The following SPEG variants were observed in gnomAD, a reference collection of about 807,000 sequenced individuals.
SPEG encodes the protein striated muscle enriched protein kinase, also known as striated muscle preferentially expressed protein kinase.
In SPEG, 114 loss-of-function variants were observed where a neutral mutation model predicts 300.4. The observed-to-expected ratio is 0.38, with a 90% CI of 0.33 to 0.44. The LOEUF is 0.44. Ranked by LOEUF, SPEG falls within the 20% of genes least tolerant of loss-of-function variation. The probability of loss-of-function intolerance (pLI) is 1.00; values close to 1 mark genes in which losing one functional copy is unlikely to be tolerated. For missense variants in SPEG, 4,201 were observed against 4,586.2 expected, an observed-to-expected ratio of 0.92 and a Z score of 2.43; for synonymous variants, 1,964 against 2,018.9, an observed-to-expected ratio of 0.97 and a Z score of 0.73.
rs1268619944 is a variant in SPEG at position 219,473,883 on chromosome 2, C to T, written c.4427C>T (p.Ser1476Leu). Residue 1476 changes from serine to leucine, a missense_variant, in exon 18 of 41, where the codon TCG (serine) becomes TTG (leucine). Physicochemically the swap from Ser to Leu is moderately radical, Grantham distance 145. Coordinates refer to ENST00000312358, the MANE Select transcript of SPEG (RefSeq NM_005876.5). The surrounding 1 kb of genome is among the most constrained non-coding windows in gnomAD (Gnocchi z 4.6). ...AACCGTCACGGCACACAGACCTGCTCGGTCACATTGGAGCTGGCAGGTGGG... is the reference window on the plus strand; with the variant it reads ...AACCGTCACGGCACACAGACCTGCTTGGTCACATTGGAGCTGGCAGGTGGG... ...ARNRHGTQTC[S>L]VTLELAEAPR... The T allele has an allele frequency of 5.0e-6, 8 of 1,611,794 alleles. No individual in the cohort carries two copies. The Admixed American group carries it at 5.0e-5, about 10-fold the overall frequency.
chr2:219,483,529 G>T lies in SPEG; in HGVS notation c.6066G>T (p.Arg2022=), dbSNP rs2125553824. The change falls in exon 30 of 41, where the codon CGG becomes CGT. Residue 2022 remains arginine (R), a synonymous_variant. Coordinates refer to ENST00000312358, the MANE Select transcript of SPEG (RefSeq NM_005876.5). ...RGSSAESALP[R]AGPRELGRGL... The stretch of plus-strand genomic sequence containing the variant: ...GCTCGGCTGAGAGCGCCCTGCCCCG[G>T]GCCGGGCCGCGGGAGCTGGGCCGGG... The T allele has an allele frequency of 7.1e-7, 1 of 1,406,354 alleles. No individual in the cohort carries two copies. The highest frequency in any genetic ancestry group is 9.2e-7 in the Non-Finnish European group (1 of 1,092,680). The allele number at this position is 1,406,354 out of a possible 1,614,324, so 87.1% of individuals were successfully genotyped here.
chr2:219,457,528 G>T (rs904847218), intron 6 of SPEG, among the ~76,000 whole-genome samples: 7 of 152,242 alleles, frequency 4.6e-5, no homozygotes, highest in Non-Finnish European at 1.0e-4. Context: ...AGGTTGCAGT[G>T]AGCTGAGATT....
chr2:219,493,031 C>A lies in SPEG; in HGVS notation c.*245C>A. Reference sequence around the variant, plus strand: ...TCAGGCTCAGCAGGGTGGGAACAGGCAGAGGGACAAGAGGGGAATGGAGAA... The same window carrying A: ...TCAGGCTCAGCAGGGTGGGAACAGGAAGAGGGACAAGAGGGGAATGGAGAA... On this transcript the variant is annotated 3_prime_UTR_variant, in exon 41 of 41. Coordinates refer to ENST00000312358, the MANE Select transcript of SPEG (RefSeq NM_005876.5). 1 of 696,390 alleles carries A rather than the reference C, an allele frequency of 1.4e-6. No homozygotes were observed. Among genetic ancestry groups the A allele is most frequent in the Non-Finnish European group, 2.6e-6 (1 of 381,570 alleles). The allele number at this position is 696,390 out of a possible 1,614,324, so 43.1% of individuals were successfully genotyped here.
At chr2:219,471,320 C>G (rs1691854232) in intron 13 of SPEG, among the ~76,000 whole-genome samples, 1 of 152,124 alleles carries the variant, frequency 6.6e-6, no homozygotes, top group Non-Finnish European at 1.5e-5. Context: ...TGATAGTTAG[C>G]CAGCATCAAG....
Position 219,489,509 on chromosome 2 carries a change from G to A in SPEG, c.8491G>A (p.Ala2831Thr). 6.2e-7 allele frequency: 1 copy of A among 1,612,228 alleles called. No homozygotes were observed. The part of the protein sequence containing the change: ...PSSPPTPPSQ[A>T]LSSLKAVGPP... ...ATCTCCCCCCACACCTCCTAGCCAG[G>A]CCTTGTCCTCGCTCAAGGCTGTGGG... The change falls in exon 36 of 41, where the codon GCC becomes ACC. Residue 2831 changes from alanine to threonine, a missense_variant. This residue lies in a region of SPEG where 1,578 missense variants were observed against 1,506.0 expected (regional missense o/e 1.05). Transcript: ENST00000312358.
rs778418961 is a variant in SPEG, at chr2:219,490,969, G to C, written c.9385+13G>C. ...CTGGAGTTCATGGGTGAGGGGACCA[G>C]CTGCCAGCCAGGGTGGGGACAGGGC... On this transcript the variant is annotated intron_variant, in intron 38 of 40. Transcript: ENST00000312358. 1.0e-5 allele frequency: 16 copies of C among 1,603,398 alleles called. No homozygotes were observed. The highest frequency in any genetic ancestry group is 5.4e-5 in the African/African-American group (4 of 74,698).
chr2:219,461,114 G>T, intron 6 of SPEG: 1 of 899,320 alleles, frequency 1.1e-6, no homozygotes. Flanking sequence ...AGCTCAGCGA[G>T]ACTGGGACCC....
intron 38 of SPEG, 72 bp from the exon 39 acceptor site, chr2:219,491,722 C>A: frequency 1.6e-6 from 2 of 1,235,348 alleles, no homozygotes; most frequent in East Asian, 4.8e-5. Context: ...GCTCAAGCAC[C>A]CAGGGACCTC....
rs1693176958 is a variant in SPEG at position 219,484,389 on chromosome 2, T to A, written c.6926T>A (p.Val2309Asp). Residue 2309 changes from valine (V) to aspartate (D), a missense_variant, in exon 30 of 41, where the codon GTT becomes GAT. Val to Asp is a radical substitution (Grantham distance 152). Coordinates refer to ENST00000312358, the MANE Select transcript of SPEG (RefSeq NM_005876.5). ...GPPVLAEKAR[V>D]PTVPPRPGSS... ...CCGGTGCTAGCCGAGAAAGCCCGAG[T>A]TCCCACGGTGCCCCCCAGGCCAGGC... 1 of 1,606,780 alleles carries A rather than the reference T, an allele frequency of 6.2e-7. No individual in the cohort carries two copies. The highest frequency in any genetic ancestry group is 2.2e-5 in the East Asian group (1 of 44,624).
In SPEG at chr2:219,458,596, C is replaced by G. The variant is rs1690382076; in HGVS notation, c.2441-3286C>G. ...TAGAGATTGTGCCCAAGATGGGAGA[C>G]CAGGTCATGCCAGGGGAAGCACATG... On this transcript the variant is annotated intron_variant, in intron 6 of 40. Transcript: ENST00000312358. This position sits in a 1 kb window ranked among gnomAD's most constrained non-coding sequence, Gnocchi z 4.2. Among the ~76,000 whole-genome samples, 1 of 152,122 alleles carries G rather than the reference C, an allele frequency of 6.6e-6. No homozygotes were observed. The highest frequency in any genetic ancestry group is 1.5e-5 in the Non-Finnish European group (1 of 68,022).
chr2:219,463,631 C>G (rs1438889884), intron 8 of SPEG, among the ~76,000 whole-genome samples: 6 of 151,210 alleles, frequency 4.0e-5, no homozygotes, highest in African/African-American at 7.3e-5. Flanking sequence ...GTCTCGAACT[C>G]CTGACCTCAG....
At chr2:219,472,834 T>C in intron 15 of SPEG, 56 bp from the exon 16 acceptor site, 2 of 1,456,612 alleles carry the variant, frequency 1.4e-6, no homozygotes, top group Non-Finnish European at 1.9e-6. Context: ...GCCAGCTGGA[T>C]GGGGAGGGGT....
rs780250714 is a variant in SPEG, at chr2:219,481,503, A to G, written c.5522+47A>G. On this transcript the variant is annotated intron_variant, in intron 27 of 40. Transcript: ENST00000312358. This position sits in a 1 kb window ranked among gnomAD's most constrained non-coding sequence, Gnocchi z 5.4. Reference sequence around the variant, plus strand: ...CCCCCACCTGCAGGGTCACCCTCATACCACCTGCCTGCTACTCCCAAACTC... The same window carrying G: ...CCCCCACCTGCAGGGTCACCCTCATGCCACCTGCCTGCTACTCCCAAACTC... The G allele has an allele frequency of 1.9e-6, 3 of 1,609,044 alleles. No individual in the cohort carries two copies. In the Admixed American group the frequency reaches 5.0e-5, roughly 27 times the overall value.
intron 13 of SPEG, chr2:219,471,527 G>T: frequency 3.0e-6 from 1 of 330,886 alleles, no homozygotes; most frequent in South Asian, 3.2e-5. Context: ...ACCATGCAGA[G>T]GTGGGAAGAC....
intron 1 of SPEG, among the ~76,000 whole-genome samples, chr2:219,441,226 A>G (rs1237696152): frequency 6.6e-6 from 1 of 152,156 alleles, no homozygotes; most frequent in Non-Finnish European, 1.5e-5. Flanking sequence ...ATATTTGGTG[A>G]GTGTGCTTCC....
chr2:219,491,771 G>T (rs762726027), intron 38 of SPEG, 23 bp from the exon 39 acceptor site: 4 of 1,610,054 alleles, frequency 2.5e-6, no homozygotes, highest in Admixed American at 3.3e-5. Flanking sequence ...AGCTGGGTCA[G>T]CTTGGCCTCT....
At position 219,459,183 on chromosome 2, in the gene SPEG, C is replaced by G. The variant is rs1434167486; in HGVS notation, c.2441-2699C>G. 1.3e-5 allele frequency among the ~76,000 whole-genome samples: 2 copies of G among 152,204 alleles called. No individual in the cohort carries two copies. Among genetic ancestry groups the G allele is most frequent in the East Asian group, 1.9e-4 (1 of 5,196 alleles). Reference sequence around the variant, plus strand: ...TGGGAGCCAGTGTGAAGGGGCGGTACTTCCGTGGTGGGTTGTTCGGGGCCA... The same window carrying G: ...TGGGAGCCAGTGTGAAGGGGCGGTAGTTCCGTGGTGGGTTGTTCGGGGCCA... On this transcript the variant is annotated intron_variant, in intron 6 of 40. Transcript: ENST00000312358. The surrounding 1 kb of genome is among the most constrained non-coding windows in gnomAD (Gnocchi z 4.9).
At chr2:219,482,661 A>G in intron 28 of SPEG, 123 bp from the exon 29 acceptor site, 1 of 788,372 alleles carries the variant, frequency 1.3e-6, no homozygotes, top group Admixed American at 2.1e-5. Context: ...AGGAGCCCAG[A>G]CTCAGTGCTG....
chr2:219,466,545 C>T (rs1691379580), intron 9 of SPEG: 1 of 1,062,038 alleles, frequency 9.4e-7, no homozygotes. Flanking sequence ...TTGACAAAGG[C>T]CTTACCAGGA....
Sources: allele counts gnomAD v4.1 joint callset (sites outside exome capture counted in the v4.1 genomes callset), GRCh38; gene constraint gnomAD v4.1.1; regional missense constraint gnomAD v4.1.1; non-coding constraint Gnocchi (gnomAD v3.1); transcripts MANE v1.5; gene names NCBI Gene and HGNC (gene_info 2026-07-23, HGNC 2026-07-21).